NLRP4: variants seen among roughly 807,000 people sequenced by gnomAD.
NLRP4 encodes the protein NLR family pyrin domain containing 4.
Under a neutral mutation model 84.7 loss-of-function variants are expected in NLRP4, and 44 were observed. The ratio of observed to expected loss-of-function variants is 0.52; its 90% CI spans 0.41 to 0.67. NLRP4 has a LOEUF of 0.67. Among genes scored for constraint, NLRP4 ranks in the 30% least tolerant of loss-of-function variants. The pLI, the probability that NLRP4 is intolerant of heterozygous loss-of-function variation, is 0.00. For synonymous variants in NLRP4, 544 were observed against 476.4 expected (o/e 1.14, Z -1.85); for missense variants, 1,260 against 1,219.4 (o/e 1.03, Z -0.50).
chr19:55,853,822 G>A (rs1382027854), intron 2 of NLRP4, among the ~76,000 whole-genome samples: 1 of 78,120 alleles, frequency 1.3e-5, no homozygotes, highest in African/African-American at 6.1e-5. Flanking sequence ...TTTCTTTCTT[G>A]CTGTCTCTTT....
At chr19:55,863,629 G>A (rs1360290688) in intron 5 of NLRP4, among the ~76,000 whole-genome samples, 3 of 152,044 alleles carry the variant, frequency 2.0e-5, no homozygotes, top group Non-Finnish European at 4.4e-5. Context: ...ATTACAGTTC[G>A]ACGTGAGGGT....
intron 1 of NLRP4, among the ~76,000 whole-genome samples, chr19:55,840,020 A>T (rs1983546776): frequency 6.6e-6 from 1 of 152,092 alleles, no homozygotes; most frequent in African/African-American, 2.4e-5. Flanking sequence ...TCAAATTCTG[A>T]CTTAAATTAT....
chr19:55,852,268 A>G lies in NLRP4; in HGVS notation c.188A>G (p.Tyr63Cys), dbSNP rs767641322. ...CTTGCAAACCTCTTGATCAAGCACT[A>G]TGAAGAACAACAAGCTTGGAACATA... Reference protein sequence around the residue: ...EELANLLIKHYEEQQAWNITL... With the variant: ...EELANLLIKHCEEQQAWNITL... The change falls in exon 2 of 10, where the codon TAT becomes TGT. Residue 63 changes from tyrosine (Y) to cysteine (C), a missense_variant. Transcript: ENST00000301295. The G allele has an allele frequency of 6.8e-6, 11 of 1,607,480 alleles. No homozygotes were observed. Among genetic ancestry groups the G allele is most frequent in the Non-Finnish European group, 7.6e-6 (9 of 1,177,580 alleles).
chr19:55,858,113 G>T lies in NLRP4; in HGVS notation c.720G>T (p.Leu240Phe). The T allele has an allele frequency of 1.2e-6, 2 of 1,614,170 alleles. No individual in the cohort carries two copies. Among genetic ancestry groups the T allele is most frequent in the Non-Finnish European group, 1.7e-6 (2 of 1,180,028 alleles). Reference sequence around the variant, plus strand: ...GCTTCGAAGAGCTGCAGGGCGGCTTGAACGAACCCGATTCGGATCTGTGTG... The same window carrying T: ...GCTTCGAAGAGCTGCAGGGCGGCTTTAACGAACCCGATTCGGATCTGTGTG... The part of the protein sequence containing the change: ...IDSFEELQGG[L>F]NEPDSDLCGD... The change falls in exon 3 of 10, where the codon TTG becomes TTT. Residue 240 changes from leucine (L) to phenylalanine (F), a missense_variant. Around this residue, in one of 3 missense-constraint regions of NLRP4, gnomAD observed 712 missense variants for 669.2 expected, o/e 1.06. Transcript: ENST00000301295. This position sits in a 1 kb window ranked among gnomAD's most constrained non-coding sequence, Gnocchi z 4.2.
Position 55,870,926 on chromosome 19 carries a change from C to T in NLRP4, c.2454C>T (p.Val818=). The T allele has an allele frequency of 6.2e-7, 1 of 1,614,098 alleles. No individual in the cohort carries two copies. Among genetic ancestry groups the T allele is most frequent in the Non-Finnish European group, 8.5e-7 (1 of 1,179,958 alleles). ...SVRYLDLSAN[V]LKDEGLKTLC... is the part of the protein sequence containing the mutation. ...GCTATCTAGACCTCAGTGCCAATGT[C>T]CTGAAGGACGAAGGACTGAAAACTC... is the stretch of plus-strand genomic sequence containing the variant. Residue 818 remains valine, a synonymous_variant, in exon 7 of 10, where the codon GTC becomes GTT. Transcript: ENST00000301295.
At position 55,881,555 on chromosome 19, in the gene NLRP4, G is replaced by A. The variant is rs1243627881; in HGVS notation, c.2953G>A (p.Asp985Asn). 5 of 1,596,080 alleles carry A rather than the reference G, an allele frequency of 3.1e-6. No homozygotes were observed. The highest frequency in any genetic ancestry group is 1.7e-4 in the Middle Eastern group (1 of 6,016). ...ERNPNLTITD[D>N]CDTITRVEI ...AAATCCTAACCTGACCATCACAGAC[G>A]ACTGTGACACAATCACAAGGGTAGA... The change falls in exon 10 of 10, where the codon GAC becomes AAC. Residue 985 changes from aspartate to asparagine, a missense_variant. Physicochemically the swap from Asp to Asn is conservative, Grantham distance 23 (BLOSUM62 1). Around this residue, in one of 3 missense-constraint regions of NLRP4, gnomAD observed 544 missense variants for 531.7 expected, o/e 1.02. Coordinates refer to ENST00000301295, the MANE Select transcript of NLRP4 (RefSeq NM_134444.5).
chr19:55,841,518 C>T (rs1460234523), intron 1 of NLRP4, among the ~76,000 whole-genome samples: 2 of 152,096 alleles, frequency 1.3e-5, no homozygotes, highest in Non-Finnish European at 2.9e-5. Context: ...TTTCTTTATG[C>T]ATTCATTTAT....
chr19:55,873,295 G>A (rs1985258683), intron 7 of NLRP4, among the ~76,000 whole-genome samples: 1 of 151,820 alleles, frequency 6.6e-6, no homozygotes, highest in Non-Finnish European at 1.5e-5. Context: ...ATATACAACA[G>A]CCATAACAAA....
chr19:55,859,710 T>A (rs920141204), intron 3 of NLRP4, among the ~76,000 whole-genome samples: 3 of 151,830 alleles, frequency 2.0e-5, no homozygotes, highest in African/African-American at 7.3e-5. Context: ...GGTGGATCAC[T>A]TAAGGTCAGG....
At chr19:55,837,152 G>A (rs1983356256) in intron 1 of NLRP4, among the ~76,000 whole-genome samples, 1 of 152,122 alleles carries the variant, frequency 6.6e-6, no homozygotes, top group African/African-American at 2.4e-5. Context: ...AGGGTAATGA[G>A]CATATCCATC....
chr19:55,847,156 G>GA (rs1020813180), intron 1 of NLRP4, among the ~76,000 whole-genome samples: 3 of 151,282 alleles, frequency 2.0e-5, no homozygotes, highest in African/African-American at 7.4e-5. Flanking sequence ...TTTATTTGAG[G>GA]GGGGGGCAGC....
At chr19:55,842,312 CTTT>C (rs1010160921) in intron 1 of NLRP4, among the ~76,000 whole-genome samples, 1 of 152,150 alleles carries the variant, frequency 6.6e-6, no homozygotes, top group Admixed American at 6.6e-5. Flanking sequence ...TTGACCATCA[CTTT>C]TTTATTTACC....
rs771374690 is a variant in NLRP4, at chr19:55,858,029, C to T, written c.636C>T (p.Pro212=). 9.9e-6 allele frequency: 16 copies of T among 1,614,038 alleles called. No individual in the cohort carries two copies. The highest frequency in any genetic ancestry group is 2.2e-5 in the South Asian group (2 of 91,076). ...ADLISREWPD[P]AAPITEIVSQ... ...TGATTTCCAGAGAGTGGCCTGACCC[C>T]GCTGCTCCTATAACAGAGATCGTGT... The change falls in exon 3 of 10, where the codon CCC becomes CCT. Residue 212 remains proline (P), a synonymous_variant. Transcript: ENST00000301295. The surrounding 1 kb of genome is among the most constrained non-coding windows in gnomAD (Gnocchi z 4.2).
In NLRP4 at chr19:55,881,581, G is replaced by C; in HGVS notation, c.2979G>C (p.Glu993Asp). 1 of 1,526,932 alleles carries C rather than the reference G, an allele frequency of 6.5e-7. No homozygotes were observed. The highest frequency in any genetic ancestry group is 9.1e-7 in the Non-Finnish European group (1 of 1,103,330). The allele number at this position is 1,526,932 out of a possible 1,614,324, so 94.6% of individuals were successfully genotyped here. The stretch of plus-strand genomic sequence containing the variant: ...ACTGTGACACAATCACAAGGGTAGA[G>C]ATCTGATTGCGAGGAACCTGGGCTC... The part of the protein sequence containing the change: ...TDDCDTITRV[E>D]I The change falls in exon 10 of 10, where the codon GAG (glutamate) becomes GAC (aspartate). Residue 993 changes from glutamate to aspartate, a missense_variant. Coordinates refer to ENST00000301295, the MANE Select transcript of NLRP4 (RefSeq NM_134444.5).
chr19:55,868,148 T>C (rs302431), intron 6 of NLRP4, among the ~76,000 whole-genome samples: 41,777 of 152,124 alleles, frequency 0.27, 5,991 homozygotes, highest in African/African-American at 0.34. Context: ...ACACGTACTG[T>C]GTTTCAAAGC....
intron 1 of NLRP4, among the ~76,000 whole-genome samples, chr19:55,838,552 G>A (rs953280624): frequency 2.0e-5 from 3 of 152,118 alleles, no homozygotes; most frequent in East Asian, 1.9e-4. Flanking sequence ...TTTGTGGTAC[G>A]TTGTCATGCC....
chr19:55,849,930 C>T lies in NLRP4; in HGVS notation c.-65-2086C>T, dbSNP rs115933156. On this transcript the variant is annotated intron_variant, in intron 1 of 9. Transcript: ENST00000301295. ...ATTTCCGTAGCCGCGGTGTAATTTC[C>T]GTAGCCGCGGTGTAATTTCCGAGAC... Among the ~76,000 whole-genome samples the T allele has an allele frequency of 6.3e-4, 80 of 126,454 alleles. 9 individuals are homozygous for T. Among genetic ancestry groups the T allele is most frequent in the African/African-American group, 3.1e-3 (75 of 24,102 alleles). 83.0% of individuals were successfully genotyped at this position (126,454 alleles called of 152,430 possible). A position where few individuals can be genotyped will look rare whatever the true frequency, so the allele number is the denominator to read the frequency against.
rs200875146 is a variant in NLRP4 at position 55,877,202 on chromosome 19, A to G, written c.2696+36A>G. The G allele has an allele frequency of 9.4e-5, 149 of 1,588,808 alleles. 1 individual carries two copies. In the African/African-American group the frequency reaches 1.9e-3, roughly 21 times the overall value. On this transcript the variant is annotated intron_variant, in intron 8 of 9. Coordinates refer to ENST00000301295, the MANE Select transcript of NLRP4 (RefSeq NM_134444.5). ...CCAAGCTCCTGGTTATGTTTTCATG[A>G]GTGGCAAAGACGGAAAATGGATGGG...
chr19:55,858,996 C>T lies in NLRP4; in HGVS notation c.1603C>T (p.Leu535=), dbSNP rs376037972. 1.2e-6 allele frequency: 2 copies of T among 1,614,138 alleles called. No homozygotes were observed. Among genetic ancestry groups the T allele is most frequent in the Admixed American group, 1.7e-5 (1 of 60,014 alleles). ...QEIKQQIHQC[L]KSLGERGNPQ... ...GATAAAGCAGCAAATTCACCAGTGC[C>T]TGAAGAGCTTAGGGGAGCGTGGCAA... Residue 535 remains leucine, a synonymous_variant, in exon 3 of 10, where the codon CTG becomes TTG. Transcript: ENST00000301295. The surrounding 1 kb of genome is among the most constrained non-coding windows in gnomAD (Gnocchi z 4.2).
Sources: allele counts gnomAD v4.1 joint callset (sites outside exome capture counted in the v4.1 genomes callset), GRCh38; gene constraint gnomAD v4.1.1; regional missense constraint gnomAD v4.1.1; non-coding constraint Gnocchi (gnomAD v3.1); transcripts MANE v1.5; gene names NCBI Gene and HGNC (gene_info 2026-07-23, HGNC 2026-07-21).